TUBGCP3: variants seen among roughly 807,000 people sequenced by gnomAD.
The protein encoded by TUBGCP3 is tubulin gamma complex component 3, also known as gamma-tubulin complex component 3.
TUBGCP3 carries 50 observed loss-of-function variants against 123.1 expected under a neutral mutation model. The observed-to-expected ratio is 0.41, with a 90% CI of 0.32 to 0.51. The LOEUF (loss-of-function observed/expected upper bound fraction) is 0.51. TUBGCP3 is among the 20% of genes least tolerant of loss of function. The pLI is 0.36. For synonymous variants in TUBGCP3, 405 were observed against 413.9 expected (o/e 0.98, Z 0.26); for missense variants, 882 against 1,127.0 (o/e 0.78, Z 3.11).
At chr13:112,601,185 TAAAAAAAAAAAA>T in the TUBGCP3 span, among the ~76,000 whole-genome samples, 2 of 86,494 alleles carry the variant, frequency 2.3e-5, no homozygotes, top group Admixed American at 1.4e-4. Context: ...AGATTCTGTC[TAAAAAAAAAAAA>T]AAAAAAAAAA....
intron 11 of TUBGCP3, among the ~76,000 whole-genome samples, chr13:112,533,997 A>G (rs1190862865): frequency 6.6e-6 from 1 of 151,948 alleles, no homozygotes; most frequent in Non-Finnish European, 1.5e-5. Context: ...AATTTCTTGG[A>G]GCCTGCACTA....
chr13:112,492,727 A>G (rs944435847), intron 20 of TUBGCP3, among the ~76,000 whole-genome samples: 1 of 126,348 alleles, frequency 7.9e-6, no homozygotes, highest in African/African-American at 3.2e-5. Flanking sequence ...GGGGCCTGGT[A>G]TCCCTAAGAC....
At chr13:112,491,394 CTAAG>C (rs895571318) in intron 20 of TUBGCP3, among the ~76,000 whole-genome samples, 1 of 152,258 alleles carries the variant, frequency 6.6e-6, no homozygotes, top group African/African-American at 2.4e-5. Context: ...TTGTGGTTTT[CTAAG>C]TGAGTACTGA....
chr13:112,592,045 G>A (rs951479490), upstream of TUBGCP3, among the ~76,000 whole-genome samples: 3 of 152,158 alleles, frequency 2.0e-5, no homozygotes, highest in African/African-American at 7.2e-5. This position sits in a 1 kb window ranked among gnomAD's most constrained non-coding sequence, Gnocchi z 4.1. Flanking sequence ...GCCACTGAGT[G>A]GGCATAGTGA....
At chr13:112,497,705 T>A (rs983291386) in intron 20 of TUBGCP3, among the ~76,000 whole-genome samples, 4 of 152,248 alleles carry the variant, frequency 2.6e-5, no homozygotes, top group African/African-American at 9.6e-5. Flanking sequence ...TGGCACAGCC[T>A]ATGCTCCTAG....
At position 112,587,891 on chromosome 13, in the gene TUBGCP3, C is replaced by T. The variant is rs1315078327; in HGVS notation, c.76+14G>A. ...GGACGGGTCTGCGGGCTTCGCGTCGCCCGGCCACTCTACCTTCGCTCCTGC... is the reference window on the plus strand; with the variant it reads ...GGACGGGTCTGCGGGCTTCGCGTCGTCCGGCCACTCTACCTTCGCTCCTGC... On this transcript the variant is annotated intron_variant, in intron 1 of 21. Coordinates refer to ENST00000261965, the MANE Select transcript of TUBGCP3 (RefSeq NM_006322.6). 8 of 1,586,636 alleles carry T rather than the reference C, an allele frequency of 5.0e-6. 1 individual carries two copies. Among genetic ancestry groups the T allele is most frequent in the Non-Finnish European group, 1.7e-6 (2 of 1,168,862 alleles).
At chr13:112,598,914 C>G in the TUBGCP3 span, among the ~76,000 whole-genome samples, 1 of 141,816 alleles carries the variant, frequency 7.1e-6, no homozygotes, top group South Asian at 2.2e-4. Flanking sequence ...CCACTGCACT[C>G]TAGCCTGGGT....
chr13:112,563,075 T>A (rs1880648535), intron 3 of TUBGCP3, among the ~76,000 whole-genome samples: 1 of 152,186 alleles, frequency 6.6e-6, no homozygotes. Flanking sequence ...CCCTTCGGAC[T>A]TTCCTGCTCA....
intron 1 of TUBGCP3, among the ~76,000 whole-genome samples, chr13:112,587,622 G>A (rs1261601501): frequency 6.6e-6 from 1 of 152,098 alleles, no homozygotes; most frequent in African/African-American, 2.4e-5. Flanking sequence ...GCTCGGCTCC[G>A]CCCTCCCGCC....
intron 20 of TUBGCP3, among the ~76,000 whole-genome samples, chr13:112,495,972 A>AT (rs978969745): frequency 6.6e-6 from 1 of 152,026 alleles, no homozygotes; most frequent in South Asian, 2.1e-4. Flanking sequence ...AAGAAGAAAT[A>AT]TTTTTTCCCT....
chr13:112,508,387 G>A lies in TUBGCP3; in HGVS notation c.2087-3673C>T, dbSNP rs1287096047. Reference sequence around the variant, plus strand: ...GACTTTGATTTTGCCCAACTCTTCTGTAGTATATCTTTAAATTTTCAGATG... The same window carrying A: ...GACTTTGATTTTGCCCAACTCTTCTATAGTATATCTTTAAATTTTCAGATG... On this transcript the variant is annotated intron_variant, in intron 17 of 21. Transcript: ENST00000261965. The surrounding 1 kb of genome is among the most constrained non-coding windows in gnomAD (Gnocchi z 4.2). 6.6e-6 allele frequency among the ~76,000 whole-genome samples: 1 copy of A among 152,156 alleles called. No individual in the cohort carries two copies. The highest frequency in any genetic ancestry group is 1.5e-5 in the Non-Finnish European group (1 of 68,028).
rs377297676 is a variant in TUBGCP3, at chr13:112,547,609, G to A, written c.1168+11C>T. On this transcript the variant is annotated intron_variant, in intron 10 of 21. Transcript: ENST00000261965. ...TGGGAAAGACGTGCGTGGGAAAGACGCGCGTGGGACCTTGGCAGTGGTCCA... is the reference window on the plus strand; with the variant it reads ...TGGGAAAGACGTGCGTGGGAAAGACACGCGTGGGACCTTGGCAGTGGTCCA... The A allele has an allele frequency of 2.4e-5, 36 of 1,498,112 alleles. No individual in the cohort carries two copies. Among genetic ancestry groups the A allele is most frequent in the Middle Eastern group, 3.7e-4 (2 of 5,392 alleles). The allele number at this position is 1,498,112 out of a possible 1,614,324, so 92.8% of individuals were successfully genotyped here.
rs549784553 is a variant in TUBGCP3 at position 112,487,970 on chromosome 13, A to G, written c.2565+1611T>C. On this transcript the variant is annotated intron_variant, in intron 21 of 21. Coordinates refer to ENST00000261965, the MANE Select transcript of TUBGCP3 (RefSeq NM_006322.6). ...AACATGGTGAAACCCTGTCTCTACT[A>G]AAAATACAACAATTAGCCGGGTGTG... Among the ~76,000 whole-genome samples, 43 of 151,956 alleles carry G rather than the reference A, an allele frequency of 2.8e-4. No individual in the cohort carries two copies. In the South Asian group the frequency reaches 6.5e-3, roughly 23 times the overall value.
At chr13:112,503,235 C>G (rs1051490448) in intron 19 of TUBGCP3, among the ~76,000 whole-genome samples, 18 of 152,302 alleles carry the variant, frequency 1.2e-4, no homozygotes, top group African/African-American at 4.3e-4. Context: ...CTTCTTGTCC[C>G]AGACCTCAGA....
At chr13:112,600,776 T>C in the TUBGCP3 span, among the ~76,000 whole-genome samples, 2 of 152,180 alleles carry the variant, frequency 1.3e-5, no homozygotes, top group Non-Finnish European at 2.9e-5. Flanking sequence ...TCCAGAATCA[T>C]TTTCGCCTAT....
At chr13:112,487,053 A>ATG (rs10522089) in intron 21 of TUBGCP3, among the ~76,000 whole-genome samples, 97,345 of 147,316 alleles carry the variant, frequency 0.66, 31,935 homozygotes, top group South Asian at 0.77. Flanking sequence ...AACACTGTGT[A>ATG]TGTGTGTGTG....
rs928793877 is a variant in TUBGCP3 at position 112,534,799 on chromosome 13, A to G, written c.1336-7315T>C. On this transcript the variant is annotated intron_variant, in intron 11 of 21. Transcript: ENST00000261965. ...TTTTAGAGGAAATTCACATAATATA[A>G]AAGTCACCATTTTAAAGTGTGCAAC... Among the ~76,000 whole-genome samples the G allele has an allele frequency of 3.9e-5, 6 of 152,162 alleles. No individual in the cohort carries two copies. In the East Asian group the frequency reaches 1.2e-3, roughly 29 times the overall value.
intron 13 of TUBGCP3, among the ~76,000 whole-genome samples, chr13:112,523,882 T>C (rs1463240348): frequency 6.6e-6 from 1 of 152,230 alleles, no homozygotes; most frequent in African/African-American, 2.4e-5. Flanking sequence ...TGTTCTCCTG[T>C]TTTTTGACCA....
intron 1 of TUBGCP3, among the ~76,000 whole-genome samples, chr13:112,571,085 T>C (rs990439857): frequency 1.3e-5 from 2 of 152,192 alleles, no homozygotes; most frequent in African/African-American, 4.8e-5. Context: ...AAGTCATCCA[T>C]CATGGCTGGA....
Sources: allele counts gnomAD v4.1 joint callset (sites outside exome capture counted in the v4.1 genomes callset), GRCh38; gene constraint gnomAD v4.1.1; non-coding constraint Gnocchi (gnomAD v3.1); transcripts MANE v1.5; gene names NCBI Gene and HGNC (gene_info 2026-07-23, HGNC 2026-07-21).